The following NF1 variants were observed in gnomAD, a reference collection of about 807,000 sequenced individuals.
The protein encoded by NF1 is neurofibromin 1, also known as neurofibromin.
In NF1, 122 loss-of-function variants were observed where a neutral mutation model predicts 325.7. The observed-to-expected ratio is 0.37, with a 90% CI of 0.32 to 0.44. NF1 has a LOEUF of 0.44. NF1 is among the 20% of genes least tolerant of loss of function. The pLI, the probability that NF1 is intolerant of heterozygous loss-of-function variation, is 1.00. For missense variants in NF1, 2,140 were observed against 3,415.4 expected (o/e 0.63, Z 9.31); for synonymous variants, 1,091 against 1,186.0 (o/e 0.92, Z 1.65).
intron 1 of NF1, among the ~76,000 whole-genome samples, chr17:31,099,632 A>G (rs1257295850): frequency 6.7e-6 from 1 of 148,318 alleles, no homozygotes; most frequent in African/African-American, 2.5e-5. Flanking sequence ...AGATCTCAGC[A>G]TACTGCAACC....
Position 31,200,994 on chromosome 17 carries a change from A to G in NF1, c.1063-43A>G, listed in dbSNP as rs546608611. The G allele has an allele frequency of 3.4e-5, 55 of 1,610,298 alleles. No homozygotes were observed. The East Asian group carries it at 4.5e-4, about 13-fold the overall frequency. On this transcript the variant is annotated intron_variant, in intron 9 of 57. Coordinates refer to ENST00000358273, the MANE Select transcript of NF1 (RefSeq NM_001042492.3). ...TTACATGTTAGTAAAGAAATACTGCATGGGTATTTAAAGGCTTTTGTTTTC... is the reference window on the plus strand; with the variant it reads ...TTACATGTTAGTAAAGAAATACTGCGTGGGTATTTAAAGGCTTTTGTTTTC...
intron 1 of NF1, among the ~76,000 whole-genome samples, chr17:31,113,535 C>T (rs961903554): frequency 2.0e-5 from 3 of 151,642 alleles, no homozygotes; most frequent in South Asian, 2.1e-4. Flanking sequence ...TTGGCCAGGC[C>T]GTAAATTGTT....
At chr17:31,270,016 A>G (rs2067861761) in intron 36 of NF1, among the ~76,000 whole-genome samples, 1 of 152,226 alleles carries the variant, frequency 6.6e-6, no homozygotes, top group African/African-American at 2.4e-5. Context: ...AATGAGGCAA[A>G]ATGGATACTG....
At chr17:31,222,310 T>C (rs1567845339) in intron 15 of NF1, 1 of 1,043,296 alleles carries the variant, frequency 9.6e-7, no homozygotes, top group East Asian at 5.7e-5. Flanking sequence ...CTATGATCTT[T>C]CATAAACTTT....
At chr17:31,217,525 G>A (rs1306839294) in intron 13 of NF1, among the ~76,000 whole-genome samples, 3 of 151,556 alleles carry the variant, frequency 2.0e-5, no homozygotes, top group African/African-American at 4.8e-5. Flanking sequence ...GGCTAGTCTC[G>A]AACTCCTGAC....
At chr17:31,287,778 GTC>G (rs887071325) in intron 36 of NF1, among the ~76,000 whole-genome samples, 2 of 151,912 alleles carry the variant, frequency 1.3e-5, no homozygotes, top group Admixed American at 6.6e-5. Flanking sequence ...AGCTCAAGCA[GTC>G]TGCCCACCTC....
At position 31,120,715 on chromosome 17, in the gene NF1, C is replaced by T. The variant is rs182874849; in HGVS notation, c.60+25346C>T. Among the ~76,000 whole-genome samples, 10 of 151,926 alleles carry T rather than the reference C, an allele frequency of 6.6e-5. No individual in the cohort carries two copies. In the East Asian group the frequency reaches 1.7e-3, roughly 26 times the overall value. The stretch of plus-strand genomic sequence containing the variant: ...CAAAGGGAATGCTTCCAGTTTTTGC[C>T]CATTCAGTATGAGTATACCTATGTA... On this transcript the variant is annotated intron_variant, in intron 1 of 57. Coordinates refer to ENST00000358273, the MANE Select transcript of NF1 (RefSeq NM_001042492.3).
At position 31,214,043 on chromosome 17, in the gene NF1, T is replaced by C. The variant is rs2952995; in HGVS notation, c.1393-408T>C. ...AATGTTGTAGAGTCTATGAAATACTTGTATGTATGTCTGGGGAATGTTTGT... is the reference window on the plus strand; with the variant it reads ...AATGTTGTAGAGTCTATGAAATACTCGTATGTATGTCTGGGGAATGTTTGT... On this transcript the variant is annotated intron_variant, in intron 12 of 57. Transcript: ENST00000358273. Among the ~76,000 whole-genome samples, 81,608 of 152,002 alleles carry C rather than the reference T, an allele frequency of 0.54. 25,801 individuals carry two copies. The highest frequency in any genetic ancestry group is 0.76 in the Middle Eastern group (222 of 294).
At chr17:31,276,631 C>T (rs925585229) in intron 36 of NF1, among the ~76,000 whole-genome samples, 13 of 152,248 alleles carry the variant, frequency 8.5e-5, no homozygotes, top group East Asian at 5.8e-4. Context: ...ATTAATGTTG[C>T]GCTGCAGAAA....
At chr17:31,267,912 C>T (rs1488322130) in intron 36 of NF1, among the ~76,000 whole-genome samples, 1 of 152,032 alleles carries the variant, frequency 6.6e-6, no homozygotes, top group Non-Finnish European at 1.5e-5. Flanking sequence ...TTGGTTTTAC[C>T]TGTGAGATCC....
At chr17:31,370,528 G>T (rs566251293) in intron 57 of NF1, among the ~76,000 whole-genome samples, 1 of 152,120 alleles carries the variant, frequency 6.6e-6, no homozygotes, top group African/African-American at 2.4e-5. Flanking sequence ...AATTATTTGA[G>T]GTTTGACGGT....
chr17:31,239,194 T>C (rs2067252900), intron 29 of NF1, among the ~76,000 whole-genome samples: 3 of 152,188 alleles, frequency 2.0e-5, no homozygotes, highest in Admixed American at 2.0e-4. Flanking sequence ...AAATGGACAG[T>C]GTGTAAGAAC....
At chr17:31,266,441 C>G (rs931434618) in intron 36 of NF1, among the ~76,000 whole-genome samples, 2 of 152,164 alleles carry the variant, frequency 1.3e-5, no homozygotes, top group African/African-American at 4.8e-5. Flanking sequence ...CCCCCCTGCC[C>G]TTTAACAACT....
In NF1 at chr17:31,229,470, A is replaced by T. The variant is rs864622633; in HGVS notation, c.2850+5A>T. Reference sequence around the variant, plus strand: ...TTTTTTGACTCCCAAGGACAGGTAAAGTGTTCTCTTATTTTTCACCTTTCT... The same window carrying T: ...TTTTTTGACTCCCAAGGACAGGTAATGTGTTCTCTTATTTTTCACCTTTCT... On this transcript the variant is annotated splice_donor_5th_base_variant and intron_variant, in intron 21 of 57. Coordinates refer to ENST00000358273, the MANE Select transcript of NF1 (RefSeq NM_001042492.3). The T allele has an allele frequency of 3.1e-6, 5 of 1,612,786 alleles. No individual in the cohort carries two copies. The highest frequency in any genetic ancestry group is 4.2e-6 in the Non-Finnish European group (5 of 1,178,998).
Position 31,340,463 on chromosome 17 carries a change from C to T in NF1, c.6922-42C>T, listed in dbSNP as rs2069787356. ...CAGTGTGTTTTGAAAGAGACTATGT[C>T]ATGATTCATCTTACTAGCCTCAAAC... On this transcript the variant is annotated intron_variant, in intron 46 of 57. Transcript: ENST00000358273. 3 of 1,613,436 alleles carry T rather than the reference C, an allele frequency of 1.9e-6. No homozygotes were observed. The African/African-American group carries it at 4.0e-5, about 22-fold the overall frequency.
chr17:31,336,050 G>C lies in NF1; in HGVS notation c.6007-283G>C, dbSNP rs2069659307. ...TACATTACTGTCTTAGAAAAGCATA[G>C]AGATACTTTGCAAGTGACTGAAGAT... On this transcript the variant is annotated intron_variant, in intron 40 of 57. Transcript: ENST00000358273. This position sits in a 1 kb window ranked among gnomAD's most constrained non-coding sequence, Gnocchi z 5.5. 1.3e-5 allele frequency among the ~76,000 whole-genome samples: 2 copies of C among 152,064 alleles called. No individual in the cohort carries two copies. Among genetic ancestry groups the C allele is most frequent in the African/African-American group, 4.8e-5 (2 of 41,504 alleles).
chr17:31,307,130 C>G (rs1374963363), intron 36 of NF1, among the ~76,000 whole-genome samples: 2 of 151,942 alleles, frequency 1.3e-5, no homozygotes, highest in African/African-American at 2.4e-5. Context: ...TCAACTGATT[C>G]TCCTCTCTCA....
rs1371361951 is a variant in NF1, at chr17:31,337,222, A to G, written c.6428-146A>G. On this transcript the variant is annotated intron_variant, in intron 42 of 57. Transcript: ENST00000358273. ...TAAATGAAGCAAGGAGCATTAATAC[A>G]ATGTATCTAGAGGTTTGATTTAGGG... 4 of 714,000 alleles carry G rather than the reference A, an allele frequency of 5.6e-6. No homozygotes were observed. In the Admixed American group the frequency reaches 1.0e-4, roughly 18 times the overall value. 44.2% of individuals were successfully genotyped at this position (714,000 alleles called of 1,614,324 possible).
intron 36 of NF1, among the ~76,000 whole-genome samples, chr17:31,282,457 A>G (rs1267216179): frequency 6.6e-6 from 1 of 151,428 alleles, no homozygotes; most frequent in East Asian, 1.9e-4. Context: ...AATTTTAAAC[A>G]TTTTCATCAC....
Sources: gnomAD v4.1 joint callset for allele counts (sites outside exome capture counted in the v4.1 genomes callset) on GRCh38, gnomAD v4.1.1 for gene constraint, Gnocchi (gnomAD v3.1) non-coding constraint, MANE v1.5 for transcripts, NCBI Gene and HGNC (gene_info 2026-07-23, HGNC 2026-07-21) for gene names.